ZPBP: variants seen among roughly 807,000 people sequenced by gnomAD.
ZPBP encodes the protein zona pellucida binding protein.
Under a neutral mutation model 44.8 loss-of-function variants are expected in ZPBP, and 26 were observed. The observed-to-expected ratio is 0.58, with a 90% CI of 0.43 to 0.81. The LOEUF is 0.81. Ranked by LOEUF, ZPBP falls within the 30% of genes least tolerant of loss-of-function variation. The pLI is 0.00. For synonymous variants in ZPBP, 174 were observed against 153.2 expected (o/e 1.14, Z -1.00); for missense variants, 409 against 434.0 (o/e 0.94, Z 0.51).
At chr7:49,916,940 T>C (rs1793756427) in intron 1 of ZPBP, 1 of 152,222 alleles carries the variant, frequency 6.6e-6, no homozygotes, top group African/African-American at 2.4e-5. Flanking sequence ...TGTGAAATTT[T>C]TGATGCTGAA....
At chr7:49,852,363 G>C (rs1468940207) in intron 2 of ZPBP, among the ~76,000 whole-genome samples, 1 of 152,206 alleles carries the variant, frequency 6.6e-6, no homozygotes, top group South Asian at 2.1e-4. Flanking sequence ...GGCCTGGCAG[G>C]CATGAGCTGG....
intron 1 of ZPBP, chr7:49,921,966 G>A (rs1264438810): frequency 6.6e-6 from 1 of 152,032 alleles, no homozygotes; most frequent in African/African-American, 2.4e-5. Flanking sequence ...GCACTTCCAG[G>A]TAGAGTCACA....
chr7:49,944,465 G>A (rs1795018395), intron 7 of ZPBP: 1 of 165,672 alleles, frequency 6.0e-6, no homozygotes, highest in Non-Finnish European at 1.3e-5. Flanking sequence ...GGGAACTGAA[G>A]TGCTAAGTCC....
chr7:49,991,877 A>G, intron 6 of ZPBP, among the ~76,000 whole-genome samples: 1 of 151,958 alleles, frequency 6.6e-6, no homozygotes, highest in Admixed American at 6.6e-5. Flanking sequence ...GTGTAGACAC[A>G]TTTCTACAGT....
chr7:50,041,410 T>C (rs1253774415), intron 4 of ZPBP, among the ~76,000 whole-genome samples: 2 of 152,106 alleles, frequency 1.3e-5, no homozygotes, highest in Non-Finnish European at 2.9e-5. Context: ...ACAGGAGAGC[T>C]CCGGCTGGCA....
intron 2 of ZPBP, among the ~76,000 whole-genome samples, chr7:49,897,594 C>T (rs550316179): frequency 1.3e-5 from 2 of 152,338 alleles, no homozygotes; most frequent in Admixed American, 1.3e-4. Context: ...AAATCAACAA[C>T]TCTTCTTGGA....
At chr7:49,958,388 A>G (rs1257793191) in intron 7 of ZPBP, among the ~76,000 whole-genome samples, 2 of 152,230 alleles carry the variant, frequency 1.3e-5, no homozygotes, top group Non-Finnish European at 2.9e-5. Flanking sequence ...TTCAAAAAGT[A>G]TATGTTGGAA....
chr7:49,932,547 G>A (rs1410538073), downstream of ZPBP, among the ~76,000 whole-genome samples: 2 of 152,210 alleles, frequency 1.3e-5, no homozygotes, highest in African/African-American at 4.8e-5. Flanking sequence ...TGTACCCACA[G>A]TATCTAGGAA....
chr7:49,849,645 AG>A (rs1338101613), downstream of ZPBP, among the ~76,000 whole-genome samples: 1 of 152,200 alleles, frequency 6.6e-6, no homozygotes, highest in Non-Finnish European at 1.5e-5. Flanking sequence ...CATTAGATAG[AG>A]TCTAACGCTG....
intron 2 of ZPBP, among the ~76,000 whole-genome samples, chr7:49,890,621 T>C (rs1311711590): frequency 6.6e-6 from 1 of 151,916 alleles, no homozygotes; most frequent in Non-Finnish European, 1.5e-5. Context: ...AGTGAAATCA[T>C]CCCAAAGCTA....
chr7:49,977,217 A>C (rs542663261), intron 7 of ZPBP, among the ~76,000 whole-genome samples: 1 of 152,276 alleles, frequency 6.6e-6, no homozygotes, highest in South Asian at 2.1e-4. Flanking sequence ...ATGATTTTTC[A>C]ATTATTTAGT....
At chr7:49,972,482 C>T (rs1254895263) in intron 7 of ZPBP, among the ~76,000 whole-genome samples, 3 of 151,944 alleles carry the variant, frequency 2.0e-5, no homozygotes, top group Non-Finnish European at 2.9e-5. Context: ...ACTCCATTTA[C>T]AGTAACATTA....
intron 2 of ZPBP, among the ~76,000 whole-genome samples, chr7:49,889,104 T>G (rs993292177): frequency 5.9e-5 from 9 of 152,318 alleles, no homozygotes; most frequent in African/African-American, 2.2e-4. Flanking sequence ...GGAATGCTCA[T>G]CTTTTGTTTC....
chr7:49,840,861 G>C, the ZPBP span, among the ~76,000 whole-genome samples: 3 of 152,008 alleles, frequency 2.0e-5, no homozygotes, highest in Non-Finnish European at 4.4e-5. Context: ...TCTGACCCCC[G>C]AGTCAGAGCT....
intron 6 of ZPBP, among the ~76,000 whole-genome samples, chr7:49,992,433 C>T (rs990773093): frequency 6.6e-6 from 1 of 151,942 alleles, no homozygotes; most frequent in Admixed American, 6.6e-5. Flanking sequence ...TATTTGAAAA[C>T]ACATAATGAA....
At chr7:50,044,029 T>C (rs1800220153) in intron 4 of ZPBP, among the ~76,000 whole-genome samples, 1 of 152,188 alleles carries the variant, frequency 6.6e-6, no homozygotes, top group South Asian at 2.1e-4. Flanking sequence ...ACTGCACAAC[T>C]ATGTGGAAAC....
intron 1 of ZPBP, among the ~76,000 whole-genome samples, chr7:49,905,726 C>G (rs1349601882): frequency 1.3e-5 from 2 of 152,128 alleles, no homozygotes; most frequent in Non-Finnish European, 2.9e-5. Context: ...GCTGCATTCC[C>G]AGATGGTTAA....
chr7:49,858,708 TAA>T (rs150250284), intron 2 of ZPBP, among the ~76,000 whole-genome samples: 1 of 151,518 alleles, frequency 6.6e-6, no homozygotes, highest in African/African-American at 2.4e-5. Flanking sequence ...ATAATAATAA[TAA>T]AAAAAAGAAA....
chr7:49,885,808 C>T (rs1271448131), intron 2 of ZPBP, among the ~76,000 whole-genome samples: 5 of 152,182 alleles, frequency 3.3e-5, no homozygotes, highest in Non-Finnish European at 4.4e-5. Flanking sequence ...GCACCGGGGA[C>T]GCAGCCCTGG....
Sources: gnomAD v4.1 joint callset for allele counts (sites outside exome capture counted in the v4.1 genomes callset) on GRCh38, gnomAD v4.1.1 for gene constraint, MANE v1.5 for transcripts, NCBI Gene and HGNC (gene_info 2026-07-23, HGNC 2026-07-21) for gene names.